Variants in FBXW8 observed in about 807,000 individuals in gnomAD.
FBXW8 encodes the protein F-box/WD repeat-containing protein 8.
FBXW8 carries 57 observed loss-of-function variants against 65.3 expected under a neutral mutation model. The observed-to-expected ratio is 0.87, with a 90% CI of 0.71 to 1.09. FBXW8 has a LOEUF of 1.09. FBXW8 is among the 50% of genes least tolerant of loss of function. The pLI is 0.00. For missense variants in FBXW8, 777 were observed against 814.8 expected (o/e 0.95, Z 0.57); for synonymous variants, 308 against 330.2 (o/e 0.93, Z 0.73).
chr12:117,007,344 G>A (rs1953701490), intron 7 of FBXW8, among the ~76,000 whole-genome samples: 1 of 151,952 alleles, frequency 6.6e-6, no homozygotes, highest in African/African-American at 2.4e-5. Context: ...TTGCCTTCTA[G>A]GTCTACCTGC....
intron 7 of FBXW8, among the ~76,000 whole-genome samples, chr12:117,006,846 T>C (rs1372193456): frequency 6.6e-6 from 1 of 152,250 alleles, no homozygotes; most frequent in Non-Finnish European, 1.5e-5. Flanking sequence ...GCATTATTTA[T>C]TTTATCTAAA....
At chr12:116,929,103 GC>G (rs1183159414) in intron 2 of FBXW8, among the ~76,000 whole-genome samples, 2 of 152,162 alleles carry the variant, frequency 1.3e-5, no homozygotes, top group Non-Finnish European at 2.9e-5. Context: ...ACCGCGCCCG[GC>G]CCCATTGATG....
chr12:116,945,537 T>G lies in FBXW8; in HGVS notation c.588+9T>G. 6.2e-7 allele frequency: 1 copy of G among 1,612,458 alleles called. No individual in the cohort carries two copies. Among genetic ancestry groups the G allele is most frequent in the Non-Finnish European group, 8.5e-7 (1 of 1,179,014 alleles). ...TACGAACCAACTGGAAGGTGGGCAG[T>G]GGCCAATATCATTACCTGTGAAAGA... On this transcript the variant is annotated intron_variant, in intron 3 of 10. Transcript: ENST00000652555.
rs1172069498 is a variant in FBXW8, at chr12:116,982,952, A to G, written c.836-2254A>G. On this transcript the variant is annotated intron_variant, in intron 5 of 10. Coordinates refer to ENST00000652555, the MANE Select transcript of FBXW8 (RefSeq NM_153348.3). ...TCCAGCTAAATTCCAGCCCAACTTC[A>G]TGACGTACCAAGTCATGACATAACA... Among the ~76,000 whole-genome samples the G allele has an allele frequency of 8.5e-5, 13 of 152,252 alleles. No homozygotes were observed. The South Asian group carries it at 1.0e-3, about 12-fold the overall frequency.
chr12:116,915,023 C>T (rs558823891), intron 1 of FBXW8, among the ~76,000 whole-genome samples: 1 of 152,366 alleles, frequency 6.6e-6, no homozygotes, highest in Admixed American at 6.5e-5. Flanking sequence ...CAACAACTCT[C>T]TCCAGTGGCT....
Position 116,961,607 on chromosome 12 carries a change from C to T in FBXW8, c.678-3090C>T, listed in dbSNP as rs17583145. ...GAGGGTTCTCTGGGTATATGGCAAG[C>T]GCTGTTCTAGTCTGTCTGTTCCAGT... On this transcript the variant is annotated intron_variant, in intron 4 of 10. Coordinates refer to ENST00000652555, the MANE Select transcript of FBXW8 (RefSeq NM_153348.3). The surrounding 1 kb of genome is among the most constrained non-coding windows in gnomAD (Gnocchi z 4.4). 1.3e-5 allele frequency among the ~76,000 whole-genome samples: 2 copies of T among 152,042 alleles called. No individual in the cohort carries two copies. The highest frequency in any genetic ancestry group is 4.8e-5 in the African/African-American group (2 of 41,376).
At chr12:117,021,853 C>T (rs1954107908) in intron 8 of FBXW8, among the ~76,000 whole-genome samples, 1 of 152,170 alleles carries the variant, frequency 6.6e-6, no homozygotes, top group African/African-American at 2.4e-5. Context: ...AAGACCACAT[C>T]TGGAATGGCT....
At chr12:116,988,574 G>A (rs1256361267) in intron 6 of FBXW8, 89 bp from the exon 7 acceptor site, 2 of 1,146,762 alleles carry the variant, frequency 1.7e-6, no homozygotes, top group Non-Finnish European at 2.6e-6. Context: ...TGGGTTGCTG[G>A]TCTTCTCATT....
chr12:116,943,735 A>G (rs545317574), intron 2 of FBXW8, among the ~76,000 whole-genome samples: 113 of 152,326 alleles, frequency 7.4e-4, no homozygotes, highest in Non-Finnish European at 1.3e-3. Context: ...TCCCAGGAAT[A>G]TATTGGAGCC....
chr12:116,930,874 C>T (rs753475908), intron 2 of FBXW8, among the ~76,000 whole-genome samples: 43 of 152,176 alleles, frequency 2.8e-4, no homozygotes, highest in African/African-American at 8.7e-4. Context: ...GTGGTACAAT[C>T]GTAGCTCACT....
chr12:117,025,508 T>C (rs1435636722), intron 9 of FBXW8, among the ~76,000 whole-genome samples: 2 of 152,146 alleles, frequency 1.3e-5, no homozygotes, highest in Non-Finnish European at 2.9e-5. Context: ...TTTATGGAAG[T>C]GCAAGGTCAG....
chr12:116,921,563 C>T (rs1225025659), intron 1 of FBXW8, among the ~76,000 whole-genome samples: 1 of 152,124 alleles, frequency 6.6e-6, no homozygotes, highest in Non-Finnish European at 1.5e-5. Flanking sequence ...GATTTTAGCT[C>T]TTTGAGTGTA....
intron 8 of FBXW8, among the ~76,000 whole-genome samples, chr12:117,020,172 G>A (rs1421743814): frequency 6.6e-6 from 1 of 152,234 alleles, no homozygotes; most frequent in Non-Finnish European, 1.5e-5. Context: ...CTAGCACTCA[G>A]TTGAAGAGCT....
At chr12:116,982,666 C>T (rs1885397281) in intron 5 of FBXW8, among the ~76,000 whole-genome samples, 1 of 148,492 alleles carries the variant, frequency 6.7e-6, no homozygotes, top group African/African-American at 2.5e-5. Flanking sequence ...CTCAGGATAG[C>T]TCTGTGCTAC....
intron 8 of FBXW8, among the ~76,000 whole-genome samples, chr12:117,011,126 C>CTTT (rs1565940778): frequency 1.0e-5 from 1 of 100,344 alleles, no homozygotes; most frequent in Non-Finnish European, 1.8e-5. Context: ...TTTTTCTTTT[C>CTTT]CTTTTTTTTT....
At chr12:116,978,614 C>T (rs1279431675) in intron 5 of FBXW8, 1 of 152,150 alleles carries the variant, frequency 6.6e-6, no homozygotes, top group African/African-American at 2.4e-5. Context: ...CACCAAGCTT[C>T]AGGTGTTTAT....
chr12:116,964,710 G>A lies in FBXW8; in HGVS notation c.691G>A (p.Asp231Asn), dbSNP rs867635391. 1.2e-6 allele frequency: 2 copies of A among 1,613,608 alleles called. No homozygotes were observed. The highest frequency in any genetic ancestry group is 2.7e-5 in the African/African-American group (2 of 74,882). Residue 231 changes from aspartate (D) to asparagine (N), a missense_variant, in exon 5 of 11, where the codon GAT (aspartate) becomes AAT (asparagine). Asp to Asn is a conservative substitution (Grantham distance 23). Transcript: ENST00000652555. Reference sequence around the variant, plus strand: ...GTTCTCTTCCAGATATACATCAGGGGATGTGAGAGTGTGGGACACCCGCAC... The same window carrying A: ...GTTCTCTTCCAGATATACATCAGGGAATGTGAGAGTGTGGGACACCCGCAC... The part of the protein sequence containing the change: ...GVVIAGYTSG[D>N]VRVWDTRTWD...
chr12:117,008,784 T>G (rs1483406653), intron 7 of FBXW8, among the ~76,000 whole-genome samples: 1 of 152,242 alleles, frequency 6.6e-6, no homozygotes, highest in Non-Finnish European at 1.5e-5. Context: ...GGAGAAATCT[T>G]TCTACAAAAT....
At chr12:116,955,622 C>T (rs1244557412) in intron 4 of FBXW8, among the ~76,000 whole-genome samples, 2 of 152,178 alleles carry the variant, frequency 1.3e-5, no homozygotes, top group Admixed American at 6.5e-5. Flanking sequence ...ATTGTGGTAA[C>T]AGCTCTTAGA....
Sources: allele counts gnomAD v4.1 joint callset (sites outside exome capture counted in the v4.1 genomes callset), GRCh38; gene constraint gnomAD v4.1.1; non-coding constraint Gnocchi (gnomAD v3.1); transcripts MANE v1.5; gene names NCBI Gene and HGNC (gene_info 2026-07-23, HGNC 2026-07-21).